The following GPC6 variants were observed in gnomAD, a reference collection of about 807,000 sequenced individuals.
GPC6 encodes glypican 6.
Under a neutral mutation model 55.2 loss-of-function variants are expected in GPC6, and 14 were observed. The observed-to-expected ratio is 0.25, with a 90% confidence interval of 0.17 to 0.40. GPC6 has a LOEUF of 0.40. Ranked by LOEUF, GPC6 falls within the 10% of genes least tolerant of loss-of-function variation. GPC6 has a pLI of 1.00. For missense variants in GPC6, 641 were observed against 708.5 expected, an observed-to-expected ratio of 0.90 and a Z score of 1.08; for synonymous variants, 278 against 259.6, an observed-to-expected ratio of 1.07 and a Z score of -0.68.
At chr13:93,837,920 G>A (rs1887800312) in intron 3 of GPC6, among the ~76,000 whole-genome samples, 1 of 152,180 alleles carries the variant, frequency 6.6e-6, no homozygotes, top group Non-Finnish European at 1.5e-5. Flanking sequence ...GATGTGTGCA[G>A]GGAGCTACAA....
intron 7 of GPC6, among the ~76,000 whole-genome samples, chr13:94,390,244 T>C (rs1224550840): frequency 1.3e-5 from 2 of 152,138 alleles, no homozygotes. Flanking sequence ...TTGAGGACAA[T>C]ATTGTTTTAA....
intron 2 of GPC6, among the ~76,000 whole-genome samples, chr13:93,807,068 G>A (rs997762307): frequency 5.9e-5 from 9 of 152,002 alleles, no homozygotes; most frequent in South Asian, 4.2e-4. Flanking sequence ...ACTGACTGGG[G>A]GCCTCACTTT....
intron 4 of GPC6, among the ~76,000 whole-genome samples, chr13:94,172,210 A>T (rs1030439937): frequency 1.3e-4 from 20 of 152,316 alleles, no homozygotes; most frequent in African/African-American, 4.8e-4. Flanking sequence ...AGACAAAAAA[A>T]ACAAGTAAGA....
At chr13:93,676,125 A>AT (rs1881600316) in intron 2 of GPC6, among the ~76,000 whole-genome samples, 1 of 34,002 alleles carries the variant, frequency 2.9e-5, no homozygotes, top group Non-Finnish European at 5.0e-5. Flanking sequence ...AAAAAAAAAA[A>AT]AATATATATA....
At chr13:93,870,140 T>C (rs1015237004) in intron 3 of GPC6, among the ~76,000 whole-genome samples, 2 of 151,916 alleles carry the variant, frequency 1.3e-5, no homozygotes, top group Non-Finnish European at 2.9e-5. Context: ...CTTCATTATC[T>C]CTTCTTCCTT....
intron 3 of GPC6, among the ~76,000 whole-genome samples, chr13:93,874,998 T>G (rs1889247646): frequency 6.6e-6 from 1 of 151,984 alleles, no homozygotes; most frequent in African/African-American, 2.4e-5. Context: ...CTGCATCTCT[T>G]GCATAATATT....
intron 1 of GPC6, among the ~76,000 whole-genome samples, chr13:93,290,424 A>G (rs1878280158): frequency 6.6e-6 from 1 of 152,150 alleles, no homozygotes; most frequent in East Asian, 1.9e-4. Flanking sequence ...TTTAGCAATG[A>G]GGGAAAAAAT....
intron 3 of GPC6, among the ~76,000 whole-genome samples, chr13:93,858,157 T>C (rs1888686311): frequency 6.6e-6 from 1 of 151,620 alleles, no homozygotes; most frequent in South Asian, 2.1e-4. Context: ...TATTGATATT[T>C]TTCAGTGCTG....
intron 1 of GPC6, among the ~76,000 whole-genome samples, chr13:93,451,002 A>G (rs1878204911): frequency 6.6e-6 from 1 of 152,216 alleles, no homozygotes; most frequent in South Asian, 2.1e-4. Context: ...GTGGTCTATA[A>G]CAGGATAATA....
At chr13:93,687,677 G>T (rs1249739461) in intron 2 of GPC6, among the ~76,000 whole-genome samples, 1 of 151,990 alleles carries the variant, frequency 6.6e-6, no homozygotes. Flanking sequence ...TTCTTAAAAT[G>T]CTCCCAATAA....
intron 3 of GPC6, among the ~76,000 whole-genome samples, chr13:93,917,990 G>A (rs780054812): frequency 2.6e-5 from 4 of 151,880 alleles, no homozygotes; most frequent in Non-Finnish European, 5.9e-5. Flanking sequence ...CCAGCTACTC[G>A]GGAGGCTGAG....
intron 4 of GPC6, among the ~76,000 whole-genome samples, chr13:94,212,315 T>TTAA (rs1890103636): frequency 6.6e-6 from 1 of 152,200 alleles, no homozygotes; most frequent in Admixed American, 6.5e-5. Context: ...AATCAACCCC[T>TTAA]AGCCAAGAGT....
chr13:93,245,423 G>A (rs11843447), intron 1 of GPC6, among the ~76,000 whole-genome samples: 38,865 of 151,936 alleles, frequency 0.26, 5,102 homozygotes, highest in African/African-American at 0.32. Flanking sequence ...TTGAGAATGA[G>A]TGATGTAGAG....
At chr13:93,524,222 G>A (rs976420) in intron 1 of GPC6, among the ~76,000 whole-genome samples, 2 of 151,852 alleles carry the variant, frequency 1.3e-5, no homozygotes, top group Admixed American at 6.6e-5. Context: ...TGAGAGGTTT[G>A]ACTTTGTCCA....
intron 1 of GPC6, among the ~76,000 whole-genome samples, chr13:93,440,070 A>T (rs1877730340): frequency 6.6e-6 from 1 of 152,246 alleles, no homozygotes; most frequent in South Asian, 2.1e-4. Flanking sequence ...AGTGCTGCGG[A>T]ATCAATAAGT....
chr13:94,190,326 T>G (rs1290486639), intron 4 of GPC6, among the ~76,000 whole-genome samples: 1 of 150,750 alleles, frequency 6.6e-6, no homozygotes, highest in Non-Finnish European at 1.5e-5. Flanking sequence ...AAAAAAAGTA[T>G]GCAGAAAAAA....
intron 2 of GPC6, among the ~76,000 whole-genome samples, chr13:93,568,699 C>T (rs1876257207): frequency 6.6e-6 from 1 of 152,134 alleles, no homozygotes; most frequent in South Asian, 2.1e-4. Context: ...CAACAAATAT[C>T]TACAACTTAA....
intron 2 of GPC6, among the ~76,000 whole-genome samples, chr13:93,551,308 CA>C (rs11292944): frequency 0.85 from 125,158 of 147,480 alleles, 53,211 homozygotes; most frequent in Middle Eastern, 0.91. Context: ...TGTTTTCTAA[CA>C]AAAAAAAAAA....
intron 3 of GPC6, among the ~76,000 whole-genome samples, chr13:93,904,859 C>G (rs1566595903): frequency 6.6e-6 from 1 of 151,998 alleles, no homozygotes; most frequent in Non-Finnish European, 1.5e-5. Flanking sequence ...ATGTGCCATG[C>G]TGGTGTGCTG....
Sources: allele counts gnomAD v4.1 joint callset (sites outside exome capture counted in the v4.1 genomes callset), GRCh38; gene constraint gnomAD v4.1.1; transcripts MANE v1.5; gene names NCBI Gene and HGNC (gene_info 2026-07-23, HGNC 2026-07-21).